The following RPS23 variants were observed in gnomAD, a reference collection of about 807,000 sequenced individuals.
RPS23 encodes the protein small ribosomal subunit protein uS12.
For synonymous variants in RPS23, 66 were observed against 60.4 expected (o/e 1.09, Z -0.43); for missense variants, 73 against 174.5 (o/e 0.42, Z 3.28).
chr5:82,277,698 T>C lies in RPS23; in HGVS notation c.159A>G (p.Glu53=). 1 of 1,613,918 alleles carries C rather than the reference T, an allele frequency of 6.2e-7. No homozygotes were observed. The highest frequency in any genetic ancestry group is 8.5e-7 in the Non-Finnish European group (1 of 1,179,864). Residue 53 remains glutamate, a synonymous_variant, in exon 2 of 4, where the codon GAA becomes GAG. Coordinates refer to ENST00000296674, the MANE Select transcript of RPS23 (RefSeq NM_001025.5). The part of the protein sequence containing the change: ...GASHAKGIVL[E]KVGVEAKQPN... ...GACGGGAGCAATGGACTTACACTTTTTCCAGCACGATTCCTTTTGCATGAG... is the reference window on the plus strand; with the variant it reads ...GACGGGAGCAATGGACTTACACTTTCTCCAGCACGATTCCTTTTGCATGAG...
intron 2 of RPS23, 29 bp downstream of exon 2, chr5:82,277,664 C>G: frequency 1.2e-6 from 2 of 1,610,528 alleles, no homozygotes; most frequent in Non-Finnish European, 1.7e-6. Flanking sequence ...CTATAATAAA[C>G]TAAAACTTGA....
In RPS23 at chr5:82,275,982, T is replaced by TA. The variant is rs1382239356; in HGVS notation, c.*126dup. 40 of 869,198 alleles carry TA rather than the reference T, an allele frequency of 4.6e-5. No homozygotes were observed. The highest frequency in any genetic ancestry group is 5.7e-5 in the Admixed American group (2 of 35,388). 53.8% of individuals were successfully genotyped at this position (869,198 alleles called of 1,614,324 possible). On this transcript the variant is annotated 3_prime_UTR_variant, in exon 4 of 4. Coordinates refer to ENST00000296674, the MANE Select transcript of RPS23 (RefSeq NM_001025.5). ...AGGTCCTGCGTTTGCTGGTTTAGGA[T>TA]AAAAAAAATAAGGGGGGGTGGTGGT...
At chr5:82,278,153 G>A (rs962076281) in intron 1 of RPS23, 167 bp downstream of exon 1, 3 of 905,764 alleles carry the variant, frequency 3.3e-6, no homozygotes, top group Non-Finnish European at 5.0e-6. Context: ...CGCCTCATGG[G>A]CCCCTTCCGC....
In RPS23 at chr5:82,275,057, A is replaced by T. The variant is rs1343790385; in HGVS notation, c.*1052T>A. 2 of 590,180 alleles carry T rather than the reference A, an allele frequency of 3.4e-6. No homozygotes were observed. The highest frequency in any genetic ancestry group is 3.7e-5 in the African/African-American group (2 of 53,754). 36.6% of individuals were successfully genotyped at this position (590,180 alleles called of 1,614,324 possible). A position where few individuals can be genotyped will look rare whatever the true frequency, so the allele number is the denominator to read the frequency against. On this transcript the variant is annotated 3_prime_UTR_variant, in exon 4 of 4. Coordinates refer to ENST00000296674, the MANE Select transcript of RPS23 (RefSeq NM_001025.5). ...ATGGCAGGCTAAGGCTGGAATATGC[A>T]GGTATGAAGCGCAACCTGGGTTCTT...
chr5:82,276,883 G>T (rs570720987), intron 2 of RPS23: 1 of 203,496 alleles, frequency 4.9e-6, no homozygotes, highest in East Asian at 1.2e-4. Context: ...GGTATCTGAG[G>T]TAAGAATTAG....
At chr5:82,276,628 C>T (rs1747782921) in intron 2 of RPS23, 110 bp from the exon 3 acceptor site, 1 of 1,397,474 alleles carries the variant, frequency 7.2e-7, no homozygotes, top group Non-Finnish European at 9.8e-7. Flanking sequence ...AATCTAACCT[C>T]AAATGGCTGA....
intron 1 of RPS23, 47 bp from the exon 2 acceptor site, chr5:82,277,899 G>A (rs769362350): frequency 3.2e-6 from 5 of 1,542,500 alleles, no homozygotes; most frequent in Middle Eastern, 3.4e-4. Context: ...CGCCATCTAC[G>A]TGTTTCCCAT....
Position 82,275,140 on chromosome 5 carries a change from T to C in RPS23, c.*969A>G, listed in dbSNP as rs1305416084. On this transcript the variant is annotated 3_prime_UTR_variant, in exon 4 of 4. Coordinates refer to ENST00000296674, the MANE Select transcript of RPS23 (RefSeq NM_001025.5). ...TACGGAAAGTGGGCAACCAAACCAA[T>C]TGTTTTCCAAAGATCCTAAACAATG... The C allele has an allele frequency of 1.3e-5, 9 of 684,504 alleles. No individual in the cohort carries two copies. The highest frequency in any genetic ancestry group is 6.2e-5 in the Admixed American group (3 of 48,132). 42.4% of individuals were successfully genotyped at this position (684,504 alleles called of 1,614,324 possible). A position where few individuals can be genotyped will look rare whatever the true frequency, so the allele number is the denominator to read the frequency against.
In RPS23 at chr5:82,275,761, T is replaced by G. The variant is rs1023374461; in HGVS notation, c.*348A>C. ...AAAATACCAAGAATAAAAAAGAAAG[T>G]ATCTCACTAGAATTTCAGTGAGTTT... On this transcript the variant is annotated 3_prime_UTR_variant, in exon 4 of 4. Coordinates refer to ENST00000296674, the MANE Select transcript of RPS23 (RefSeq NM_001025.5). The G allele has an allele frequency of 7.7e-6, 2 of 260,936 alleles. No individual in the cohort carries two copies. Among genetic ancestry groups the G allele is most frequent in the Non-Finnish European group, 1.4e-5 (2 of 139,302 alleles). 16.2% of individuals were successfully genotyped at this position (260,936 alleles called of 1,614,324 possible). A position where few individuals can be genotyped will look rare whatever the true frequency, so the allele number is the denominator to read the frequency against.
chr5:82,278,278 A>C (rs767920414), intron 1 of RPS23, 42 bp downstream of exon 1: 7 of 1,603,940 alleles, frequency 4.4e-6, no homozygotes, highest in Non-Finnish European at 5.1e-6. Context: ...CAAGACCCCA[A>C]GTCCCGCTTG....
rs1369181469 is a variant in RPS23 at position 82,278,313 on chromosome 5, A to G, written c.4+7T>C. ...GCAGCGCCCTTAAACCGGCCACAACAGCTCACCCATCCTGTCGGCGCCACG... is the reference window on the plus strand; with the variant it reads ...GCAGCGCCCTTAAACCGGCCACAACGGCTCACCCATCCTGTCGGCGCCACG... On this transcript the variant is annotated splice_region_variant and intron_variant, in intron 1 of 3. Transcript: ENST00000296674. 2.5e-6 allele frequency: 4 copies of G among 1,609,914 alleles called. No individual in the cohort carries two copies. The highest frequency in any genetic ancestry group is 3.4e-6 in the Non-Finnish European group (4 of 1,178,630).
intron 2 of RPS23, 59 bp from the exon 3 acceptor site, chr5:82,276,577 T>TATTAACTAG: frequency 6.3e-7 from 1 of 1,596,440 alleles, no homozygotes; most frequent in Non-Finnish European, 8.6e-7. Flanking sequence ...TATCTTTTCA[T>TATTAACTAG]ATTAACTAGA....
At position 82,278,243 on chromosome 5, in the gene RPS23, C is replaced by T. The variant is rs564269213; in HGVS notation, c.4+77G>A. The T allele has an allele frequency of 9.9e-6, 12 of 1,207,146 alleles. No homozygotes were observed. In the East Asian group the frequency reaches 2.7e-4, roughly 27 times the overall value. 74.8% of individuals were successfully genotyped at this position (1,207,146 alleles called of 1,614,324 possible). A position where few individuals can be genotyped will look rare whatever the true frequency, so the allele number is the denominator to read the frequency against. On this transcript the variant is annotated intron_variant, in intron 1 of 3. Transcript: ENST00000296674. ...TCTCCATGGCATCCCCCGCCCTACT[C>T]TATTCGCATCCGCCCGCCCGTCCCC...
rs932157236 is a variant in RPS23 at position 82,273,642 on chromosome 5, C to T, written c.*2467G>A. On this transcript the variant is annotated 3_prime_UTR_variant, in exon 4 of 4. Coordinates refer to ENST00000296674, the MANE Select transcript of RPS23 (RefSeq NM_001025.5). ...CCAGGGCTGGTTTCAGGCCTGGTGC[C>T]GGGCTGCCTGTCTTTGATTTCACTT... 3 of 150,472 alleles carry T rather than the reference C, an allele frequency of 2.0e-5. 1 individual carries two copies. Among genetic ancestry groups the T allele is most frequent in the African/African-American group, 7.5e-5 (3 of 39,812 alleles). 9.3% of individuals were successfully genotyped at this position (150,472 alleles called of 1,614,324 possible). A position where few individuals can be genotyped will look rare whatever the true frequency, so the allele number is the denominator to read the frequency against.
chr5:82,277,915 A>G, intron 1 of RPS23, 63 bp from the exon 2 acceptor site: 18 of 1,422,500 alleles, frequency 1.3e-5, no homozygotes, highest in Non-Finnish European at 1.8e-5. Flanking sequence ...CCCATCTTCT[A>G]AGACACTCGC....
intron 1 of RPS23, 108 bp downstream of exon 1, chr5:82,278,211 TG>T: frequency 3.5e-5 from 21 of 597,032 alleles, no homozygotes; most frequent in Non-Finnish European, 5.9e-5. Context: ...CCCTCCCCCA[TG>T]GAGCCTCTCC....
At chr5:82,276,788 G>T (rs1177063473) in intron 2 of RPS23, 3 of 440,112 alleles carry the variant, frequency 6.8e-6, no homozygotes, top group Admixed American at 3.7e-5. Flanking sequence ...GCTGACGTGG[G>T]AGGATCTATG....
chr5:82,278,119 G>A (rs1276591399), intron 1 of RPS23: 3 of 720,082 alleles, frequency 4.2e-6, no homozygotes, highest in East Asian at 5.5e-5. Context: ...GCGTCCCTCG[G>A]TACCCCGACC....
chr5:82,277,940 A>G, intron 1 of RPS23, 88 bp from the exon 2 acceptor site: 1 of 1,208,156 alleles, frequency 8.3e-7, no homozygotes, highest in Non-Finnish European at 1.2e-6. Flanking sequence ...CCTGGAATAA[A>G]CCCTTAAGCC....
Sources: allele counts gnomAD v4.1 joint callset, GRCh38; gene constraint gnomAD v4.1.1; transcripts MANE v1.5; gene names NCBI Gene and HGNC (gene_info 2026-07-23, HGNC 2026-07-21).